OC90: variants seen among roughly 807,000 people sequenced by gnomAD.
OC90 encodes otoconin 90.
OC90 carries 46 observed loss-of-function variants against 47.3 expected under a neutral mutation model. That is an observed-to-expected ratio of 0.97 (90% CI 0.77 to 1.24). The LOEUF is 1.24. Ranked by LOEUF, OC90 falls within the 50% of genes most tolerant of loss-of-function variation. The pLI is 0.00. For synonymous variants in OC90, 271 were observed against 219.5 expected (o/e 1.23, Z -2.07); for missense variants, 688 against 583.9 (o/e 1.18, Z -1.84).
intron 5 of OC90, 118 bp downstream of exon 5, chr8:132,041,406 AC>A: frequency 1.2e-6 from 1 of 851,252 alleles, no homozygotes; most frequent in South Asian, 1.8e-5. Flanking sequence ...GTGGAATTAA[AC>A]CCTCTCCTGA....
chr8:132,038,000 T>C (rs1822994477), intron 8 of OC90, among the ~76,000 whole-genome samples: 1 of 152,134 alleles, frequency 6.6e-6, no homozygotes, highest in African/African-American at 2.4e-5. Flanking sequence ...CTGCTTTCTC[T>C]TTAACAAACA....
At chr8:132,044,858 C>A (rs538609989) in intron 3 of OC90, among the ~76,000 whole-genome samples, 1 of 152,186 alleles carries the variant, frequency 6.6e-6, no homozygotes, top group East Asian at 1.9e-4. Context: ...ATTATACCCA[C>A]GAGGTCATTA....
chr8:132,052,903 G>A (rs1823234195), intron 2 of OC90, among the ~76,000 whole-genome samples: 1 of 150,848 alleles, frequency 6.6e-6, no homozygotes, highest in Non-Finnish European at 1.5e-5. Context: ...AAGCTATAAA[G>A]CTTTTTCTCA....
chr8:132,030,897 C>T (rs1407652609), intron 12 of OC90, among the ~76,000 whole-genome samples: 2 of 152,186 alleles, frequency 1.3e-5, no homozygotes, highest in African/African-American at 4.8e-5. Flanking sequence ...CATATTCCTG[C>T]CATTACTGTG....
chr8:132,039,234 C>G, intron 6 of OC90, 111 bp from the exon 7 acceptor site: 1 of 1,150,150 alleles, frequency 8.7e-7, no homozygotes, highest in Non-Finnish European at 1.3e-6. Context: ...ATCCCACTCC[C>G]CTTGCAATCT....
intron 11 of OC90, among the ~76,000 whole-genome samples, chr8:132,032,362 T>TA (rs1822889568): frequency 6.6e-6 from 1 of 152,138 alleles, no homozygotes; most frequent in Non-Finnish European, 1.5e-5. Context: ...CACATCTTAT[T>TA]ACTGAGTAGA....
chr8:132,033,107 G>A lies in OC90; in HGVS notation c.791C>T (p.Ala264Val). ...VTAKIVTLVP[A>V]GIKSLGLAVS... ...TGCCAGCCCCAGAGATTTAATGCCAGCAGGGACAAGGGTTACAATTTTAGC... is the reference window on the plus strand; with the variant it reads ...TGCCAGCCCCAGAGATTTAATGCCAACAGGGACAAGGGTTACAATTTTAGC... The change falls in exon 11 of 14, where the codon GCT (alanine) becomes GTT (valine). Residue 264 changes from alanine (A) to valine (V), a missense_variant. Physicochemically the swap from Ala to Val is moderately conservative, Grantham distance 64. Coordinates refer to ENST00000254627, the MANE Select transcript of OC90 (RefSeq NM_001080399.3). 1 of 1,609,000 alleles carries A rather than the reference G, an allele frequency of 6.2e-7. No individual in the cohort carries two copies. Among genetic ancestry groups the A allele is most frequent in the African/African-American group, 1.3e-5 (1 of 75,000 alleles).
rs1017028807 is a variant in OC90, at chr8:132,039,054, G to A, written c.527C>T (p.Ser176Phe). The change falls in exon 7 of 14, where the codon TCC becomes TTC. Residue 176 changes from serine to phenylalanine, a missense_variant. Coordinates refer to ENST00000254627, the MANE Select transcript of OC90 (RefSeq NM_001080399.3). ...AAGGTTCAGGGAAGAGTTGAGGCTG[G>A]ATCGAGCCAAGCACTCTATGGCAGC... ...DKAAIECLAR[S>F]SLNSSLNLLD... 2 of 1,613,910 alleles carry A rather than the reference G, an allele frequency of 1.2e-6. No homozygotes were observed. Among genetic ancestry groups the A allele is most frequent in the Non-Finnish European group, 1.7e-6 (2 of 1,179,860 alleles).
rs2130857121 is a variant in OC90 at position 132,039,018 on chromosome 8, G to A, written c.563C>T (p.Ser188Phe). The A allele has an allele frequency of 1.9e-6, 3 of 1,613,986 alleles. No individual in the cohort carries two copies. Among genetic ancestry groups the A allele is most frequent in the Non-Finnish European group, 2.5e-6 (3 of 1,179,874 alleles). The change falls in exon 7 of 14, where the codon TCC becomes TTC. Residue 188 changes from serine to phenylalanine, a missense_variant. Coordinates refer to ENST00000254627, the MANE Select transcript of OC90 (RefSeq NM_001080399.3). The stretch of plus-strand genomic sequence containing the variant: ...ACCTGGAGTCTGAGCCAGGCAGAAG[G>A]AGGTGTCCAGAAGGTTCAGGGAAGA... ...LNSSLNLLDT[S>F]FCLAQTPETT...
chr8:132,053,654 G>A (rs1823245943), intron 2 of OC90, among the ~76,000 whole-genome samples: 2 of 152,212 alleles, frequency 1.3e-5, no homozygotes, highest in African/African-American at 4.8e-5. Context: ...GATCTGGAAG[G>A]AAACAAACAT....
At chr8:132,032,083 A>G in intron 11 of OC90, 31 bp from the exon 12 acceptor site, 3 of 1,605,080 alleles carry the variant, frequency 1.9e-6, no homozygotes, top group Non-Finnish European at 2.6e-6. Context: ...CAGGAGAGCA[A>G]GGACTGTCGG....
chr8:132,027,178 T>G (rs1822772029), intron 13 of OC90, among the ~76,000 whole-genome samples: 1 of 152,194 alleles, frequency 6.6e-6, no homozygotes, highest in Non-Finnish European at 1.5e-5. Context: ...TGTTAGTACA[T>G]ACTACATGAG....
At position 132,039,014 on chromosome 8, in the gene OC90, G is replaced by A. The variant is rs200502750; in HGVS notation, c.567C>T (p.Phe189=). The change falls in exon 7 of 14, where the codon TTC becomes TTT. Residue 189 remains phenylalanine (F), a synonymous_variant. Transcript: ENST00000254627. ...TCCTACCTGGAGTCTGAGCCAGGCA[G>A]AAGGAGGTGTCCAGAAGGTTCAGGG... ...NSSLNLLDTS[F]CLAQTPETTI... 3.2e-5 allele frequency: 51 copies of A among 1,613,990 alleles called. No homozygotes were observed. Among genetic ancestry groups the A allele is most frequent in the Admixed American group, 2.5e-4 (15 of 60,022 alleles).
At chr8:132,050,571 C>A (rs1242693662) in intron 2 of OC90, among the ~76,000 whole-genome samples, 1 of 152,208 alleles carries the variant, frequency 6.6e-6, no homozygotes, top group African/African-American at 2.4e-5. Flanking sequence ...AGAGGCTTCA[C>A]TTTCCTACAT....
chr8:132,040,776 T>C (rs1010269428), intron 6 of OC90, among the ~76,000 whole-genome samples: 1 of 152,246 alleles, frequency 6.6e-6, no homozygotes, highest in Non-Finnish European at 1.5e-5. Context: ...CTTCCCAAGG[T>C]CTCAGGGTTG....
chr8:132,039,325 T>G (rs1470450728), intron 6 of OC90, among the ~76,000 whole-genome samples: 3 of 152,108 alleles, frequency 2.0e-5, no homozygotes, highest in Non-Finnish European at 2.9e-5. Flanking sequence ...TCTCTCACAC[T>G]TGCACCCAGG....
In OC90 at chr8:132,038,952, C is replaced by T. The variant is rs756300271; in HGVS notation, c.586+43G>A. The T allele has an allele frequency of 5.0e-6, 8 of 1,613,728 alleles. No homozygotes were observed. In the South Asian group the frequency reaches 8.8e-5, roughly 18 times the overall value. On this transcript the variant is annotated intron_variant, in intron 7 of 13. Coordinates refer to ENST00000254627, the MANE Select transcript of OC90 (RefSeq NM_001080399.3). ...AATTGATCCCAAACCAGCTGCTGTCCAGATCCTCAGCCCCACGGCTGATGC... is the reference window on the plus strand; with the variant it reads ...AATTGATCCCAAACCAGCTGCTGTCTAGATCCTCAGCCCCACGGCTGATGC...
chr8:132,026,234 A>C (rs1196233907), intron 13 of OC90, among the ~76,000 whole-genome samples: 1 of 152,214 alleles, frequency 6.6e-6, no homozygotes, highest in East Asian at 1.9e-4. Context: ...AAGGTTCTAC[A>C]CATACATAAG....
intron 2 of OC90, chr8:132,049,893 C>T (rs1563734363): frequency 2.0e-6 from 1 of 502,370 alleles, no homozygotes; most frequent in Non-Finnish European, 4.1e-6. Flanking sequence ...AGACGTGTGC[C>T]AATTCCATTA....
Sources: allele counts gnomAD v4.1 joint callset (sites outside exome capture counted in the v4.1 genomes callset), GRCh38; gene constraint gnomAD v4.1.1; transcripts MANE v1.5; gene names NCBI Gene and HGNC (gene_info 2026-07-23, HGNC 2026-07-21).